MAPK14: variants seen among roughly 807,000 people sequenced by gnomAD.
The protein encoded by MAPK14 is CSAID-binding protein.
Under a neutral mutation model 49.6 loss-of-function variants are expected in MAPK14, and 16 were observed. The ratio of observed to expected loss-of-function variants is 0.32; its 90% confidence interval spans 0.22 to 0.49. The LOEUF (loss-of-function observed/expected upper bound fraction) is 0.49, where lower values mean the gene tolerates loss of function less well. Ranked by LOEUF, MAPK14 falls within the 20% of genes least tolerant of loss-of-function variation. MAPK14 has a pLI of 0.99. For synonymous variants in MAPK14, 142 were observed against 158.0 expected (o/e 0.90, Z 0.76); for missense variants, 200 against 441.2 (o/e 0.45, Z 4.90).
At chr6:36,118,674 C>G in the MAPK14 span, among the ~76,000 whole-genome samples, 8 of 152,352 alleles carry the variant, frequency 5.3e-5, no homozygotes, top group Admixed American at 5.2e-4. Flanking sequence ...GGCCATTGCT[C>G]AAGTATGACA....
chr6:36,081,819 G>C (rs537731173), intron 8 of MAPK14, among the ~76,000 whole-genome samples: 2 of 152,092 alleles, frequency 1.3e-5, no homozygotes, highest in Non-Finnish European at 2.9e-5. Flanking sequence ...CAGATTTTTA[G>C]ATCACTTTAA....
At chr6:36,073,813 C>A in intron 5 of MAPK14, 93 bp downstream of exon 5, 1 of 1,319,822 alleles carries the variant, frequency 7.6e-7, no homozygotes, top group South Asian at 1.3e-5. Context: ...AAACTTTAGC[C>A]ATTGAAATGT....
rs1399343693 is a variant in MAPK14, at chr6:36,091,331, AGTT to A, written c.683-4652_683-4650del. The stretch of plus-strand genomic sequence containing the variant: ...CGTCTAAAGAGTAATCTTAGGCTTA[AGTT>A]GTTCTTTTCTTCATTTGTTTTAGAA... On this transcript the variant is annotated intron_variant, in intron 8 of 11. Coordinates refer to ENST00000229794, the MANE Select transcript of MAPK14 (RefSeq NM_139012.3). Among the ~76,000 whole-genome samples, 3 of 152,032 alleles carry A rather than the reference AGTT, an allele frequency of 2.0e-5. No individual in the cohort carries two copies. The East Asian group carries it at 5.8e-4, about 29-fold the overall frequency.
At chr6:36,118,944 C>T in the MAPK14 span, among the ~76,000 whole-genome samples, 2 of 152,314 alleles carry the variant, frequency 1.3e-5, no homozygotes, top group Non-Finnish European at 2.9e-5. Context: ...GTAATTTGTG[C>T]TGATCTTACC....
In MAPK14 at chr6:36,085,995, T is replaced by A. The variant is rs187631490; in HGVS notation, c.682+9387T>A. On this transcript the variant is annotated intron_variant, in intron 8 of 11. Transcript: ENST00000229794. Reference sequence around the variant, plus strand: ...AGCACAATCAAATTAGAACTAAGATTAAGAAACTCACTCAAAACCACACAA... The same window carrying A: ...AGCACAATCAAATTAGAACTAAGATAAAGAAACTCACTCAAAACCACACAA... 9.1e-3 allele frequency among the ~76,000 whole-genome samples: 1,391 copies of A among 152,254 alleles called. 14 individuals are homozygous for A. The highest frequency in any genetic ancestry group is 0.014 in the Non-Finnish European group (974 of 67,986).
intron 2 of MAPK14, among the ~76,000 whole-genome samples, chr6:36,058,818 G>A (rs927634628): frequency 2.0e-5 from 3 of 151,718 alleles, no homozygotes; most frequent in Non-Finnish European, 4.4e-5. Context: ...GATTGCTTGA[G>A]CTGCAGTGAA....
downstream of MAPK14, among the ~76,000 whole-genome samples, chr6:36,114,796 C>A (rs7770183): frequency 0.12 from 17,972 of 152,080 alleles, 1,160 homozygotes; most frequent in African/African-American, 0.17. Flanking sequence ...TTCAGAAGTT[C>A]TTTGCCATTA....
chr6:36,122,903 A>T, the MAPK14 span, among the ~76,000 whole-genome samples: 2 of 152,088 alleles, frequency 1.3e-5, no homozygotes, highest in African/African-American at 4.8e-5. Flanking sequence ...CTACCTCTCT[A>T]CTGGCTCACA....
At chr6:36,035,958 T>C (rs1039699176) in intron 1 of MAPK14, among the ~76,000 whole-genome samples, 1 of 152,180 alleles carries the variant, frequency 6.6e-6, no homozygotes, top group African/African-American at 2.4e-5. Context: ...GGGCGGTGGC[T>C]AACACCTGTA....
At position 36,105,590 on chromosome 6, in the gene MAPK14, T is replaced by A. The variant is rs142727255; in HGVS notation, c.842-1865T>A. ...ATCAGAAGAATATATATATATATAA[T>A]CCAGGCATTCACCTAGTACTGTAAA... On this transcript the variant is annotated intron_variant, in intron 10 of 11. Coordinates refer to ENST00000229794, the MANE Select transcript of MAPK14 (RefSeq NM_139012.3). 4.9e-4 allele frequency among the ~76,000 whole-genome samples: 75 copies of A among 152,320 alleles called. No homozygotes were observed. In the East Asian group the frequency reaches 0.014, roughly 28 times the overall value.
intron 3 of MAPK14, among the ~76,000 whole-genome samples, chr6:36,068,621 A>G (rs1418705703): frequency 1.3e-5 from 2 of 152,190 alleles, no homozygotes; most frequent in Admixed American, 6.5e-5. Flanking sequence ...ATTGCTTTGA[A>G]TAGGACTGAT....
At chr6:36,122,200 T>C in the MAPK14 span, among the ~76,000 whole-genome samples, 1 of 152,186 alleles carries the variant, frequency 6.6e-6, no homozygotes, top group East Asian at 1.9e-4. Flanking sequence ...GTCCTGACAT[T>C]GGATAGTTTA....
At chr6:36,111,442 G>A (rs1402640264), downstream of MAPK14, among the ~76,000 whole-genome samples, 1 of 152,132 alleles carries the variant, frequency 6.6e-6, no homozygotes, top group African/African-American at 2.4e-5. Flanking sequence ...TTTGACATTT[G>A]AGACTATCTA....
chr6:36,041,433 T>TA (rs1192608223), intron 1 of MAPK14, among the ~76,000 whole-genome samples: 3 of 152,218 alleles, frequency 2.0e-5, no homozygotes, highest in Admixed American at 2.0e-4. Context: ...GTTCATATAC[T>TA]ATCCTTCCAA....
intron 3 of MAPK14, among the ~76,000 whole-genome samples, chr6:36,059,947 A>G (rs967722907): frequency 2.0e-5 from 3 of 152,126 alleles, no homozygotes; most frequent in Non-Finnish European, 4.4e-5. Context: ...GAAGTATTAG[A>G]TTTCTATACT....
downstream of MAPK14, among the ~76,000 whole-genome samples, chr6:36,111,977 C>T (rs1417582607): frequency 2.6e-5 from 4 of 152,082 alleles, no homozygotes; most frequent in Admixed American, 6.6e-5. Flanking sequence ...GAGGCTGAGG[C>T]GGGCAGATCA....
At chr6:36,093,720 CAAAAAAAAAAAAAAA>C (rs11343231) in intron 8 of MAPK14, among the ~76,000 whole-genome samples, 1 of 83,116 alleles carries the variant, frequency 1.2e-5, no homozygotes, top group Non-Finnish European at 2.3e-5. Context: ...GACTCCGTCT[CAAAAAAAAAAAAAAA>C]AAAAAAAACA....
intron 9 of MAPK14, chr6:36,096,632 C>T (rs2127468433): frequency 6.6e-6 from 1 of 152,362 alleles, no homozygotes; most frequent in East Asian, 1.9e-4. Flanking sequence ...AACAGAGGGA[C>T]CTTTCTACCC....
chr6:36,031,737 T>C (rs1762551709), intron 1 of MAPK14, among the ~76,000 whole-genome samples: 1 of 151,964 alleles, frequency 6.6e-6, no homozygotes, highest in Admixed American at 6.6e-5. Context: ...GCAGATTTGA[T>C]TTTAGGGAAT....
Sources: gnomAD v4.1 joint callset for allele counts (sites outside exome capture counted in the v4.1 genomes callset) on GRCh38, gnomAD v4.1.1 for gene constraint, MANE v1.5 for transcripts, NCBI Gene and HGNC (gene_info 2026-07-23, HGNC 2026-07-21) for gene names.